Variants in TRIT1 observed in about 807,000 individuals in gnomAD.
TRIT1 encodes tRNA isopentenyltransferase 1.
TRIT1 carries 43 observed loss-of-function variants against 51.2 expected under a neutral mutation model. The observed-to-expected ratio is 0.84, with a 90% CI of 0.66 to 1.08. TRIT1 has a LOEUF of 1.08. TRIT1 is among the 50% of genes least tolerant of loss of function. The pLI is 0.00. For synonymous variants in TRIT1, 184 were observed against 203.9 expected (o/e 0.90, Z 0.83); for missense variants, 528 against 578.4 (o/e 0.91, Z 0.89).
At chr1:39,856,262 C>T (rs1161041193) in intron 2 of TRIT1, among the ~76,000 whole-genome samples, 3 of 151,960 alleles carry the variant, frequency 2.0e-5, no homozygotes, top group Admixed American at 2.0e-4. Context: ...GCCAAGATCG[C>T]GCTATTGCAC....
At chr1:39,859,220 C>T (rs752577166) in intron 1 of TRIT1, among the ~76,000 whole-genome samples, 8 of 131,262 alleles carry the variant, frequency 6.1e-5, no homozygotes, top group African/African-American at 1.1e-4. Flanking sequence ...CACGCCATTG[C>T]GTTCCAGCCT....
chr1:39,852,715 C>A lies in TRIT1; in HGVS notation c.560+16G>T. 7.4e-6 allele frequency: 12 copies of A among 1,611,736 alleles called. No homozygotes were observed. The highest frequency in any genetic ancestry group is 1.0e-5 in the Non-Finnish European group (12 of 1,179,006). On this transcript the variant is annotated intron_variant, in intron 4 of 10. Transcript: ENST00000316891. ...GTTGTAAAGGAATTTGGGGTCAGCG[C>A]GCCAGGCTTTCTTACCTGGCCACTT...
Position 39,883,346 on chromosome 1 carries a change from C to T in TRIT1, c.146G>A (p.Gly49Asp). 2.5e-6 allele frequency: 4 copies of T among 1,610,660 alleles called. No individual in the cohort carries two copies. Among genetic ancestry groups the T allele is most frequent in the Non-Finnish European group, 3.4e-6 (4 of 1,178,860 alleles). ...LALQLGQRLG[G>D]EIVSADSMQV... The stretch of plus-strand genomic sequence containing the variant: ...CATGGAGTCAGCGCTGACGATCTCA[C>T]CGCCGAGCCGCTGGCCTAGCTGCAA... Residue 49 changes from glycine (G) to aspartate (D), a missense_variant, in exon 1 of 11, where the codon GGT becomes GAT. Physicochemically the swap from Gly to Asp is moderately conservative, Grantham distance 94 (BLOSUM62 -1). Coordinates refer to ENST00000316891, the MANE Select transcript of TRIT1 (RefSeq NM_017646.6).
intron 1 of TRIT1, among the ~76,000 whole-genome samples, chr1:39,878,317 T>C (rs768615489): frequency 6.6e-6 from 1 of 152,210 alleles, no homozygotes; most frequent in Non-Finnish European, 1.5e-5. Context: ...ACAACCCCAT[T>C]GTAGTTTTAC....
At chr1:39,870,120 T>C (rs1253820698) in intron 1 of TRIT1, among the ~76,000 whole-genome samples, 1 of 152,222 alleles carries the variant, frequency 6.6e-6, no homozygotes, top group African/African-American at 2.4e-5. Context: ...GCTGTGTCTG[T>C]GTAGAAAGAA....
intron 5 of TRIT1, among the ~76,000 whole-genome samples, chr1:39,848,863 T>G (rs1037001165): frequency 4.6e-5 from 7 of 151,278 alleles, no homozygotes; most frequent in Non-Finnish European, 1.0e-4. Context: ...TCTAAACTAC[T>G]GAGCCAAGCA....
intron 6 of TRIT1, 87 bp downstream of exon 6, chr1:39,847,899 G>A (rs748666632): frequency 6.4e-6 from 9 of 1,397,308 alleles, no homozygotes; most frequent in Non-Finnish European, 8.0e-6. Context: ...TGATAAACAA[G>A]TAGACCCAAA....
intron 4 of TRIT1, chr1:39,852,469 A>T: frequency 2.7e-6 from 1 of 375,956 alleles, no homozygotes; most frequent in East Asian, 4.3e-5. Context: ...ATCAAATAGA[A>T]AATGAAGCAA....
At chr1:39,853,940 C>T (rs1454711535) in intron 3 of TRIT1, 30 bp downstream of exon 3, 1 of 1,466,942 alleles carries the variant, frequency 6.8e-7, no homozygotes, top group Non-Finnish European at 9.5e-7. Flanking sequence ...AATCCATTTC[C>T]TCAGTGAGTT....
rs542925891 is a variant in TRIT1 at position 39,852,763 on chromosome 1, C to A, written c.528G>T (p.Lys176Asn). ...CTTTGCGTTTGTCATGTGGATGCAG[C>A]TTGGCAGCCATTTCTGGGTCCACCT... Reference protein sequence around the residue: ...LSQVDPEMAAKLHPHDKRKVA... With the variant: ...LSQVDPEMAANLHPHDKRKVA... The change falls in exon 4 of 11, where the codon AAG becomes AAT. Residue 176 changes from lysine to asparagine, a missense_variant. By Grantham distance (94) the Lys-to-Asn change is moderately conservative. This residue lies in a region of TRIT1 where 468 missense variants were observed against 522.6 expected (regional missense o/e 0.90). Coordinates refer to ENST00000316891, the MANE Select transcript of TRIT1 (RefSeq NM_017646.6). 47 of 1,614,124 alleles carry A rather than the reference C, an allele frequency of 2.9e-5. No homozygotes were observed. The South Asian group carries it at 4.9e-4, about 17-fold the overall frequency.
In TRIT1 at chr1:39,847,571, G is replaced by A; in HGVS notation, c.905C>T (p.Thr302Ile). Residue 302 changes from threonine (T) to isoleucine (I), a missense_variant, in exon 7 of 11, where the codon ACT becomes ATT. Coordinates refer to ENST00000316891, the MANE Select transcript of TRIT1 (RefSeq NM_017646.6). Reference protein sequence around the residue: ...LITEGKCTLETSNQLLKKGIE... With the variant: ...LITEGKCTLEISNQLLKKGIE... ...ACCTTTCTTTAGAAGCTGGTTACTA[G>A]TCTCCAGTGTGCATTTTCCCTCAGT... The A allele has an allele frequency of 6.2e-7, 1 of 1,614,214 alleles. No homozygotes were observed. The highest frequency in any genetic ancestry group is 1.1e-5 in the South Asian group (1 of 91,092).
intron 1 of TRIT1, chr1:39,863,040 TATTCTGAAAA>T: frequency 1.4e-6 from 1 of 718,390 alleles, no homozygotes; most frequent in Non-Finnish European, 1.7e-6. Flanking sequence ...ATGACTGAAA[TATTCTGAAAA>T]ATTCCAGGTT....
At chr1:39,849,209 C>G (rs1463925506) in intron 5 of TRIT1, among the ~76,000 whole-genome samples, 1 of 152,130 alleles carries the variant, frequency 6.6e-6, no homozygotes, top group Non-Finnish European at 1.5e-5. Flanking sequence ...CTTGATGAAG[C>G]TAGGAAATAT....
chr1:39,861,294 T>A (rs1181717776), intron 1 of TRIT1, among the ~76,000 whole-genome samples: 1 of 152,078 alleles, frequency 6.6e-6, no homozygotes. Context: ...TTTGGAAGAC[T>A]GAGGCAGACC....
intron 1 of TRIT1, among the ~76,000 whole-genome samples, chr1:39,880,027 T>C (rs564364384): frequency 2.6e-5 from 4 of 151,334 alleles, no homozygotes; most frequent in Non-Finnish European, 4.4e-5. Context: ...ATACAAAAAT[T>C]AGCTGGGCCT....
At chr1:39,843,157 GACA>G (rs1182016583) in intron 10 of TRIT1, among the ~76,000 whole-genome samples, 1 of 152,152 alleles carries the variant, frequency 6.6e-6, no homozygotes, top group Non-Finnish European at 1.5e-5. Context: ...CCCAGTCTCT[GACA>G]ATGGAGTTCA....
At chr1:39,851,845 G>C (rs56414205) in intron 4 of TRIT1, among the ~76,000 whole-genome samples, 3,238 of 151,896 alleles carry the variant, frequency 0.021, 68 homozygotes, top group East Asian at 0.11. Flanking sequence ...CTACTCAGGA[G>C]GCCGAGGCAG....
chr1:39,844,199 G>C lies in TRIT1; in HGVS notation c.1136C>G (p.Thr379Ser). 6.2e-7 allele frequency: 1 copy of C among 1,614,124 alleles called. No individual in the cohort carries two copies. The highest frequency in any genetic ancestry group is 1.1e-5 in the South Asian group (1 of 91,088). Residue 379 changes from threonine (T) to serine (S), a missense_variant, in exon 10 of 11, where the codon ACT becomes AGT. Physicochemically the swap from Thr to Ser is moderately conservative, Grantham distance 58 (BLOSUM62 1). This residue lies in a region of TRIT1 where 468 missense variants were observed against 522.6 expected (regional missense o/e 0.90). Transcript: ENST00000316891. ...TTCATTGTATGGCATCTTTATTGGA[G>C]TGGCTGTAGGCTTGTGGCCCTAAAA... ...SFIQGHKPTA[T>S]PIKMPYNEAE... is the part of the protein sequence containing the mutation.
intron 1 of TRIT1, among the ~76,000 whole-genome samples, chr1:39,860,981 G>C (rs1322860049): frequency 6.6e-6 from 1 of 152,186 alleles, no homozygotes; most frequent in Non-Finnish European, 1.5e-5. Context: ...AGGGGCTGAG[G>C]CAGGAGAATC....
Sources: gnomAD v4.1 joint callset for allele counts (sites outside exome capture counted in the v4.1 genomes callset) on GRCh38, gnomAD v4.1.1 for gene constraint, gnomAD v4.1.1 regional missense constraint, MANE v1.5 for transcripts, NCBI Gene and HGNC (gene_info 2026-07-23, HGNC 2026-07-21) for gene names.